Variants in LRP1 observed in about 807,000 individuals in gnomAD.
LRP1 encodes prolow-density lipoprotein receptor-related protein 1.
In LRP1, 51 loss-of-function variants were observed where a neutral mutation model predicts 541.5. The observed-to-expected ratio is 0.09, with a 90% CI of 0.08 to 0.12. The LOEUF is 0.12. LRP1 is among the 10% of genes least tolerant of loss of function. The pLI is 1.00. For synonymous variants in LRP1, 2,219 were observed against 2,470.8 expected, an observed-to-expected ratio of 0.90 and a Z score of 3.02; for missense variants, 3,878 against 6,376.2, an observed-to-expected ratio of 0.61 and a Z score of 13.34.
At position 57,177,367 on chromosome 12, in the gene LRP1, A is replaced by G. The variant is rs1187071257; in HGVS notation, c.4197-60A>G. The G allele has an allele frequency of 4.2e-5, 66 of 1,561,290 alleles. No homozygotes were observed. Among genetic ancestry groups the G allele is most frequent in the Non-Finnish European group, 5.7e-5 (66 of 1,148,202 alleles). Reference sequence around the variant, plus strand: ...CCTCCCACCCTCTACCTACGATCCCACCACAGTCGCTCCCTGAGGGCCCTG... The same window carrying G: ...CCTCCCACCCTCTACCTACGATCCCGCCACAGTCGCTCCCTGAGGGCCCTG... On this transcript the variant is annotated intron_variant, in intron 25 of 88. Coordinates refer to ENST00000243077, the MANE Select transcript of LRP1 (RefSeq NM_002332.3). This position sits in a 1 kb window ranked among gnomAD's most constrained non-coding sequence, Gnocchi z 6.8.
At position 57,162,840 on chromosome 12, in the gene LRP1, C is replaced by T. The variant is rs759092456; in HGVS notation, c.2405-18C>T. On this transcript the variant is annotated intron_variant, in intron 14 of 88. Coordinates refer to ENST00000243077, the MANE Select transcript of LRP1 (RefSeq NM_002332.3). This position sits in a 1 kb window ranked among gnomAD's most constrained non-coding sequence, Gnocchi z 5.2. Reference sequence around the variant, plus strand: ...ACCTCTTCCTCCCTTTGCCTTTCCCCATGGCCCTTCCCCACAGTTGGCACC... The same window carrying T: ...ACCTCTTCCTCCCTTTGCCTTTCCCTATGGCCCTTCCCCACAGTTGGCACC... The T allele has an allele frequency of 3.4e-5, 54 of 1,599,926 alleles. No individual in the cohort carries two copies. The highest frequency in any genetic ancestry group is 1.6e-4 in the Middle Eastern group (1 of 6,072).
chr12:57,183,680 A>ACT lies in LRP1; in HGVS notation c.5795-89_5795-88dup, dbSNP rs545602154. 8.3e-5 allele frequency: 129 copies of ACT among 1,550,288 alleles called. 1 individual carries two copies. In the South Asian group the frequency reaches 1.3e-3, roughly 15 times the overall value. On this transcript the variant is annotated intron_variant, in intron 35 of 88. Transcript: ENST00000243077. This position sits in a 1 kb window ranked among gnomAD's most constrained non-coding sequence, Gnocchi z 6.1. The stretch of plus-strand genomic sequence containing the variant: ...CCTTCAAGCACCTGGCCCCTCCGGC[A>ACT]CTCTCTCACCTCTGTCTTGAGCCTT...
chr12:57,191,069 G>A, intron 43 of LRP1, 60 bp downstream of exon 43: 1 of 1,523,534 alleles, frequency 6.6e-7, no homozygotes. Flanking sequence ...GCCAGGGTCA[G>A]CCGTCAACCA....
At chr12:57,142,690 G>A (rs956599371) in intron 3 of LRP1, among the ~76,000 whole-genome samples, 4 of 152,100 alleles carry the variant, frequency 2.6e-5, no homozygotes, top group East Asian at 3.9e-4. Context: ...TACAGAAATC[G>A]GCCTCCTCAT....
At chr12:57,208,298 G>C in intron 77 of LRP1, 82 bp downstream of exon 77, 1 of 1,434,560 alleles carries the variant, frequency 7.0e-7, no homozygotes, top group Non-Finnish European at 9.5e-7. Flanking sequence ...ACCCACATGC[G>C]TGCCCTTCCC....
chr12:57,162,548 G>A lies in LRP1; in HGVS notation c.2404+30G>A. On this transcript the variant is annotated intron_variant, in intron 14 of 88. Coordinates refer to ENST00000243077, the MANE Select transcript of LRP1 (RefSeq NM_002332.3). The surrounding 1 kb of genome is among the most constrained non-coding windows in gnomAD (Gnocchi z 5.2). ...CTCCTTGGGGCTGGGGGCAGCGTGGGACCTGGAAGGGGTGGTGGGACTTAG... is the reference window on the plus strand; with the variant it reads ...CTCCTTGGGGCTGGGGGCAGCGTGGAACCTGGAAGGGGTGGTGGGACTTAG... The A allele has an allele frequency of 1.2e-6, 2 of 1,611,006 alleles. No individual in the cohort carries two copies. Among genetic ancestry groups the A allele is most frequent in the Non-Finnish European group, 1.7e-6 (2 of 1,178,708 alleles).
At chr12:57,141,661 G>A in intron 3 of LRP1, 150 bp downstream of exon 3, 1 of 1,088,292 alleles carries the variant, frequency 9.2e-7, no homozygotes, top group Admixed American at 2.4e-5. Context: ...TGAAATTGAT[G>A]TGCCCCTTGG....
In LRP1 at chr12:57,173,737, C is replaced by T; in HGVS notation, c.3347-43C>T. The T allele has an allele frequency of 1.2e-6, 2 of 1,602,700 alleles. No individual in the cohort carries two copies. The highest frequency in any genetic ancestry group is 1.7e-6 in the Non-Finnish European group (2 of 1,169,822). ...TCTGGAAGGAAGGGCAGGGGGAGCC[C>T]CAGTCCCCGGGCCTGGGCCCTCATA... On this transcript the variant is annotated intron_variant, in intron 21 of 88. Transcript: ENST00000243077. This position sits in a 1 kb window ranked among gnomAD's most constrained non-coding sequence, Gnocchi z 4.7.
At chr12:57,129,226 C>G (rs2136643810) in intron 1 of LRP1, 195 bp downstream of exon 1, 1 of 594,650 alleles carries the variant, frequency 1.7e-6, no homozygotes, top group East Asian at 2.8e-5. Context: ...GCAAATGATG[C>G]TTCCGGGGCC....
chr12:57,210,528 G>GGCC, intron 82 of LRP1, 48 bp downstream of exon 82: 1 of 1,483,022 alleles, frequency 6.7e-7, no homozygotes, highest in Non-Finnish European at 9.0e-7. Flanking sequence ...CTGGGCCCCA[G>GGCC]CCCCGCCACC....
At chr12:57,133,497 C>T (rs2035081725) in intron 1 of LRP1, among the ~76,000 whole-genome samples, 3 of 152,182 alleles carry the variant, frequency 2.0e-5, no homozygotes, top group African/African-American at 7.2e-5. Context: ...AGGAAAGAGC[C>T]ACTGGGCAAC....
In LRP1 at chr12:57,201,920, C is replaced by A; in HGVS notation, c.10594+15C>A. 1 of 1,613,700 alleles carries A rather than the reference C, an allele frequency of 6.2e-7. No homozygotes were observed. On this transcript the variant is annotated intron_variant, in intron 67 of 88. Coordinates refer to ENST00000243077, the MANE Select transcript of LRP1 (RefSeq NM_002332.3). The surrounding 1 kb of genome is among the most constrained non-coding windows in gnomAD (Gnocchi z 6.4). ...GGAAGAGTGTGGTGAGCCGAGACCC[C>A]ACTCCAGGAGGAAGACAGTCTACCT...
chr12:57,177,734 G>A lies in LRP1; in HGVS notation c.4361+143G>A. ...GGCAAAGGACTGGGCACAGGAGGAGGAGGACGGAGGGGCGTGGGGAGGCCA... is the reference window on the plus strand; with the variant it reads ...GGCAAAGGACTGGGCACAGGAGGAGAAGGACGGAGGGGCGTGGGGAGGCCA... On this transcript the variant is annotated intron_variant, in intron 26 of 88. Transcript: ENST00000243077. This position sits in a 1 kb window ranked among gnomAD's most constrained non-coding sequence, Gnocchi z 6.8. 4.9e-6 allele frequency: 5 copies of A among 1,017,926 alleles called. No individual in the cohort carries two copies. The South Asian group carries it at 8.0e-5, about 16-fold the overall frequency. 63.1% of individuals were successfully genotyped at this position (1,017,926 alleles called of 1,614,324 possible). A position where few individuals can be genotyped will look rare whatever the true frequency, so the allele number is the denominator to read the frequency against.
chr12:57,202,739 A>C, intron 68 of LRP1: 1 of 563,134 alleles, frequency 1.8e-6, no homozygotes, highest in Non-Finnish European at 3.2e-6. Context: ...CTCCATTTTC[A>C]CACTGTCCTC....
In LRP1 at chr12:57,201,550, A is replaced by C; in HGVS notation, c.10399A>C (p.Ile3467Leu). The C allele has an allele frequency of 6.2e-7, 1 of 1,614,094 alleles. No homozygotes were observed. The highest frequency in any genetic ancestry group is 1.3e-5 in the African/African-American group (1 of 75,040). Reference sequence around the variant, plus strand: ...CCAGTGCTCCATTACCAAACGGTGCATCCCCCGGGTCTGGGTCTGCGACCG... The same window carrying C: ...CCAGTGCTCCATTACCAAACGGTGCCTCCCCCGGGTCTGGGTCTGCGACCG... ...QFQCSITKRC[I>L]PRVWVCDRDN... is the part of the protein sequence containing the mutation. Residue 3467 changes from isoleucine to leucine, a missense_variant, in exon 66 of 89, where the codon ATC (isoleucine) becomes CTC (leucine). Physicochemically the swap from Ile to Leu is conservative, Grantham distance 5. This residue lies in a region of LRP1 where 278 missense variants were observed against 536.3 expected (regional missense o/e 0.52). Transcript: ENST00000243077. This position sits in a 1 kb window ranked among gnomAD's most constrained non-coding sequence, Gnocchi z 6.4.
At chr12:57,133,667 C>G (rs1280615578) in intron 1 of LRP1, among the ~76,000 whole-genome samples, 3 of 148,008 alleles carry the variant, frequency 2.0e-5, no homozygotes, top group Non-Finnish European at 1.5e-5. Context: ...TCCTCCCACT[C>G]TGTTCCCTTA....
In LRP1 at chr12:57,180,750, C is replaced by T. The variant is rs2036147390; in HGVS notation, c.5470C>T (p.Arg1824Trp). 1 of 1,614,082 alleles carries T rather than the reference C, an allele frequency of 6.2e-7. No homozygotes were observed. Among genetic ancestry groups the T allele is most frequent in the Non-Finnish European group, 8.5e-7 (1 of 1,179,966 alleles). ...TGACGGCTCGGGCTCCGTGGTCCTT[C>T]GGAACAGCACCACCCTGGTGATGCA... ...KADGSGSVVLRNSTTLVMHMK... is the reference protein window; with the variant it reads ...KADGSGSVVLWNSTTLVMHMK... The change falls in exon 33 of 89, where the codon CGG becomes TGG. Residue 1824 changes from arginine (R) to tryptophan (W), a missense_variant. By Grantham distance (101) the Arg-to-Trp change is moderately radical (BLOSUM62 -3). Transcript: ENST00000243077.
chr12:57,138,201 A>G (rs934322204), intron 1 of LRP1, among the ~76,000 whole-genome samples: 1 of 152,158 alleles, frequency 6.6e-6, no homozygotes, highest in African/African-American at 2.4e-5. Flanking sequence ...CCTGACTCCC[A>G]GGAACAGGCA....
chr12:57,149,188 AGCTAACCAT>A, intron 6 of LRP1: 2 of 441,840 alleles, frequency 4.5e-6, no homozygotes, highest in Non-Finnish European at 7.9e-6. Flanking sequence ...CACATGTGAA[AGCTAACCAT>A]GCCCATCCTT....
Sources: gnomAD v4.1 joint callset for allele counts (sites outside exome capture counted in the v4.1 genomes callset) on GRCh38, gnomAD v4.1.1 for gene constraint, gnomAD v4.1.1 regional missense constraint, Gnocchi (gnomAD v3.1) non-coding constraint, MANE v1.5 for transcripts, NCBI Gene and HGNC (gene_info 2026-07-23, HGNC 2026-07-21) for gene names.